The following AHRR variants were observed in gnomAD, a reference collection of about 807,000 sequenced individuals.
The protein encoded by AHRR is ahR repressor.
AHRR carries 28 observed loss-of-function variants against 44.0 expected under a neutral mutation model. That is an observed-to-expected ratio of 0.64 (90% CI 0.47 to 0.87). The LOEUF is 0.87. Ranked by LOEUF, AHRR falls within the 40% of genes least tolerant of loss-of-function variation. AHRR has a pLI of 0.00. For missense variants in AHRR, 990 were observed against 953.9 expected, an observed-to-expected ratio of 1.04 and a Z score of -0.50; for synonymous variants, 434 against 407.0, an observed-to-expected ratio of 1.07 and a Z score of -0.80.
Position 383,728 on chromosome 5 carries a change from A to C in AHRR, c.351+7012A>C, listed in dbSNP as rs982572021. Among the ~76,000 whole-genome samples, 7 of 152,162 alleles carry C rather than the reference A, an allele frequency of 4.6e-5. No individual in the cohort carries two copies. Among genetic ancestry groups the C allele is most frequent in the South Asian group, 4.1e-4 (2 of 4,820 alleles). On this transcript the variant is annotated intron_variant, in intron 4 of 10. Transcript: ENST00000684583. This position sits in a 1 kb window ranked among gnomAD's most constrained non-coding sequence, Gnocchi z 4.0. ...CAAGCATGTGCCACCATACCCAGCT[A>C]ATTAAAATTCTTTTTTATAGAGATG... is the stretch of plus-strand genomic sequence containing the variant.
chr5:345,620 C>T (rs1397006470), intron 2 of AHRR, among the ~76,000 whole-genome samples: 1 of 151,142 alleles, frequency 6.6e-6, no homozygotes, highest in East Asian at 1.9e-4. Flanking sequence ...GTGTGTGTGT[C>T]GGATGATGTC....
At chr5:351,575 G>T (rs916927324) in intron 2 of AHRR, among the ~76,000 whole-genome samples, 5 of 152,296 alleles carry the variant, frequency 3.3e-5, no homozygotes, top group Admixed American at 3.3e-4. Flanking sequence ...CTGACTGAGG[G>T]CTGCCAGGGC....
chr5:400,063 G>A (rs1734948995), intron 4 of AHRR, among the ~76,000 whole-genome samples: 1 of 152,076 alleles, frequency 6.6e-6, no homozygotes, highest in Non-Finnish European at 1.5e-5. Flanking sequence ...CCGCTCGCGT[G>A]ACTAGCCGCC....
chr5:323,886 T>C (rs1165851945), intron 1 of AHRR, among the ~76,000 whole-genome samples: 1 of 152,086 alleles, frequency 6.6e-6, no homozygotes, highest in Non-Finnish European at 1.5e-5. Context: ...CAGGCAGGAA[T>C]GAACAGGCCG....
At chr5:379,816 C>T (rs761086113) in intron 4 of AHRR, among the ~76,000 whole-genome samples, 14 of 152,194 alleles carry the variant, frequency 9.2e-5, no homozygotes. Context: ...CAGGATATTA[C>T]AGATAGTGAA....
chr5:330,919 GC>G, intron 1 of AHRR, among the ~76,000 whole-genome samples: 1 of 146,002 alleles, frequency 6.8e-6, no homozygotes, highest in Admixed American at 6.8e-5. Flanking sequence ...TGTCACCCAG[GC>G]TGGAGTGCAA....
At chr5:367,185 A>G (rs551835084) in intron 3 of AHRR, among the ~76,000 whole-genome samples, 23 of 152,324 alleles carry the variant, frequency 1.5e-4, no homozygotes, top group African/African-American at 5.5e-4. Context: ...GGGTCGCCGC[A>G]GATCCCCAGC....
intron 2 of AHRR, among the ~76,000 whole-genome samples, chr5:345,260 AGAGGGG>A (rs1742596926): frequency 7.0e-5 from 1 of 14,208 alleles, no homozygotes. Context: ...GTGTGTGGGG[AGAGGGG>A]TGGGTGGGTG....
rs1023677660 is a variant in AHRR at position 388,689 on chromosome 5, C to T, written c.351+11973C>T. 2.0e-5 allele frequency among the ~76,000 whole-genome samples: 3 copies of T among 151,976 alleles called. No homozygotes were observed. Among genetic ancestry groups the T allele is most frequent in the Admixed American group, 6.5e-5 (1 of 15,272 alleles). On this transcript the variant is annotated intron_variant, in intron 4 of 10. Coordinates refer to ENST00000684583, the MANE Select transcript of AHRR (RefSeq NM_001377236.1). The surrounding 1 kb of genome is among the most constrained non-coding windows in gnomAD (Gnocchi z 5.2). ...GCGGGGGTGTCAGAGCCAGGGGCAC[C>T]GTCCTCCCATTGGCCAGGACGAGGA...
chr5:362,484 C>A (rs1335797261), intron 3 of AHRR, among the ~76,000 whole-genome samples: 3 of 152,222 alleles, frequency 2.0e-5, no homozygotes, highest in African/African-American at 7.2e-5. Flanking sequence ...CTTTCCCTCA[C>A]CCCCTTCCTC....
chr5:384,307 A>G (rs573239543), intron 4 of AHRR, among the ~76,000 whole-genome samples: 1 of 152,348 alleles, frequency 6.6e-6, no homozygotes, highest in Non-Finnish European at 1.5e-5. Flanking sequence ...CCTACTTTAC[A>G]AAGTTGAAAT....
At chr5:373,042 A>C (rs1376533790) in intron 3 of AHRR, among the ~76,000 whole-genome samples, 2 of 152,140 alleles carry the variant, frequency 1.3e-5, no homozygotes, top group African/African-American at 4.8e-5. Flanking sequence ...CGCTGTTCCA[A>C]ATGAGCCCCT....
intron 8 of AHRR, chr5:432,052 C>G (rs1402210290): frequency 1.4e-5 from 3 of 213,120 alleles, no homozygotes; most frequent in Non-Finnish European, 2.8e-5. Context: ...TGTGGGTACA[C>G]ACACATGTCC....
At chr5:415,867 T>G (rs1735785558) in intron 5 of AHRR, among the ~76,000 whole-genome samples, 1 of 152,198 alleles carries the variant, frequency 6.6e-6, no homozygotes, top group African/African-American at 2.4e-5. Context: ...GAGCTGGGCT[T>G]TTGAATTTTT....
chr5:434,754 A>G lies in AHRR; in HGVS notation c.2014A>G (p.Met672Val), dbSNP rs190128087. 6.4e-4 allele frequency: 1,001 copies of G among 1,566,310 alleles called. No individual in the cohort carries two copies. Among genetic ancestry groups the G allele is most frequent in the African/African-American group, 5.0e-3 (368 of 73,932 alleles). ...SPQWATHSQG[M>V]VPGMLPKSAL... ...CCAGTGGGCTACTCACAGCCAGGGA[A>G]TGGTGCCCGGGATGTTGCCCAAAAG... Residue 672 changes from methionine to valine, a missense_variant, in exon 11 of 11, where the codon ATG becomes GTG. Physicochemically the swap from Met to Val is conservative, Grantham distance 21. Coordinates refer to ENST00000684583, the MANE Select transcript of AHRR (RefSeq NM_001377236.1).
intron 1 of AHRR, among the ~76,000 whole-genome samples, chr5:336,981 G>A (rs937370747): frequency 8.6e-5 from 13 of 152,002 alleles, no homozygotes; most frequent in African/African-American, 2.9e-4. Flanking sequence ...TTCTTTCCCT[G>A]CTGAACAGCC....
Position 420,925 on chromosome 5 carries a change from C to G in AHRR, c.442-1804C>G. ...CAGCACGCACGCATCCAGGCACGCA[C>G]ACGCAGCCACCCACCCACACAGGCG... is the stretch of plus-strand genomic sequence containing the variant. On this transcript the variant is annotated intron_variant, in intron 5 of 10. Coordinates refer to ENST00000684583, the MANE Select transcript of AHRR (RefSeq NM_001377236.1). The G allele has an allele frequency of 9.2e-6, 2 of 217,584 alleles. 1 individual carries two copies. The highest frequency in any genetic ancestry group is 8.1e-5 in the South Asian group (2 of 24,768). 13.5% of individuals were successfully genotyped at this position (217,584 alleles called of 1,614,324 possible). A position where few individuals can be genotyped will look rare whatever the true frequency, so the allele number is the denominator to read the frequency against.
At chr5:431,496 T>C (rs1033174398) in intron 8 of AHRR, among the ~76,000 whole-genome samples, 6 of 152,322 alleles carry the variant, frequency 3.9e-5, no homozygotes, top group Non-Finnish European at 8.8e-5. Context: ...CCACCAGTCC[T>C]GAGCCGCAGG....
At chr5:432,442 G>C (rs759316806) in intron 8 of AHRR, 21 bp from the exon 9 acceptor site, 35 of 1,612,350 alleles carry the variant, frequency 2.2e-5, no homozygotes, top group Non-Finnish European at 3.0e-5. Context: ...CATGTCACAT[G>C]TTCATCTGTG....
Sources: allele counts gnomAD v4.1 joint callset (sites outside exome capture counted in the v4.1 genomes callset), GRCh38; gene constraint gnomAD v4.1.1; non-coding constraint Gnocchi (gnomAD v3.1); transcripts MANE v1.5; gene names NCBI Gene and HGNC (gene_info 2026-07-23, HGNC 2026-07-21).